The following CERS6 variants were observed in gnomAD, a reference collection of about 807,000 sequenced individuals.
CERS6 encodes LAG1 homolog, ceramide synthase 6.
Under a neutral mutation model 56.8 loss-of-function variants are expected in CERS6, and 26 were observed. That is an observed-to-expected ratio of 0.46 (90% CI 0.34 to 0.63). CERS6 has a LOEUF of 0.63. CERS6 is among the 30% of genes least tolerant of loss of function. The probability of loss-of-function intolerance (pLI) is 0.01; values close to 1 mark genes in which losing one functional copy is unlikely to be tolerated. For synonymous variants in CERS6, 164 were observed against 173.3 expected (o/e 0.95, Z 0.42); for missense variants, 415 against 467.5 (o/e 0.89, Z 1.04).
At chr2:168,476,735 G>A (rs903991753) in intron 1 of CERS6, among the ~76,000 whole-genome samples, 1 of 152,048 alleles carries the variant, frequency 6.6e-6, no homozygotes, top group African/African-American at 2.4e-5. Flanking sequence ...AAGAGTGTGT[G>A]CTAGCTCCAG....
intron 1 of CERS6, among the ~76,000 whole-genome samples, chr2:168,535,299 T>G (rs553457696): frequency 6.6e-6 from 1 of 152,212 alleles, no homozygotes; most frequent in Non-Finnish European, 1.5e-5. Context: ...TGAGAATCCG[T>G]GTGGCTCTGG....
chr2:168,616,732 A>G lies in CERS6; in HGVS notation c.408-14253A>G, dbSNP rs560945650. ...ACCTTACACTGGAGCTCCCAAATTTATAAACAGTTACTACTAGACCTAAGA... is the reference window on the plus strand; with the variant it reads ...ACCTTACACTGGAGCTCCCAAATTTGTAAACAGTTACTACTAGACCTAAGA... On this transcript the variant is annotated intron_variant, in intron 3 of 9. Coordinates refer to ENST00000305747, the MANE Select transcript of CERS6 (RefSeq NM_203463.3). Among the ~76,000 whole-genome samples the G allele has an allele frequency of 5.9e-5, 9 of 152,334 alleles. No homozygotes were observed. The South Asian group carries it at 1.0e-3, about 18-fold the overall frequency.
rs140382111 is a variant in CERS6, at chr2:168,749,543, T to C, written c.846-16049T>C. Among the ~76,000 whole-genome samples, 829 of 152,134 alleles carry C rather than the reference T, an allele frequency of 5.4e-3. 2 individuals carry two copies. The highest frequency in any genetic ancestry group is 0.017 in the Middle Eastern group (5 of 294). On this transcript the variant is annotated intron_variant, in intron 8 of 9. Coordinates refer to ENST00000305747, the MANE Select transcript of CERS6 (RefSeq NM_203463.3). ...GTCTGAGCAGATGGGGGAAGTAGAG[T>C]GATTCCAGCAACTGTCTCCTTTTCT...
chr2:168,693,782 A>G (rs1339685003), intron 5 of CERS6, among the ~76,000 whole-genome samples: 2 of 152,118 alleles, frequency 1.3e-5, no homozygotes, highest in East Asian at 1.9e-4. Context: ...ATACCGTCAC[A>G]TTGGGATTAG....
chr2:168,520,567 T>C (rs796132048), intron 1 of CERS6, among the ~76,000 whole-genome samples: 2 of 150,904 alleles, frequency 1.3e-5, no homozygotes, highest in African/African-American at 4.9e-5. Context: ...GTTTAAATTC[T>C]TACATTTAAC....
chr2:168,572,196 A>G (rs188206989), intron 3 of CERS6, among the ~76,000 whole-genome samples: 1,621 of 152,218 alleles, frequency 0.011, 12 homozygotes, highest in Non-Finnish European at 0.018. Context: ...GAAGTTGCAT[A>G]TTTTCAGCTT....
At chr2:168,694,835 C>T (rs1376993169) in intron 5 of CERS6, 124 bp from the exon 6 acceptor site, 8 of 701,888 alleles carry the variant, frequency 1.1e-5, no homozygotes, top group Non-Finnish European at 2.0e-5. Flanking sequence ...AAGAATAGGA[C>T]AGGAACTGCC....
chr2:168,494,685 G>A (rs1694432611), intron 1 of CERS6, among the ~76,000 whole-genome samples: 1 of 152,164 alleles, frequency 6.6e-6, no homozygotes, highest in Admixed American at 6.5e-5. Context: ...GAGTCATAGA[G>A]TTGATTGAGG....
intron 5 of CERS6, among the ~76,000 whole-genome samples, chr2:168,692,276 G>T (rs1360023933): frequency 6.6e-6 from 1 of 152,134 alleles, no homozygotes; most frequent in Non-Finnish European, 1.5e-5. Context: ...TTGGAACATT[G>T]TCACATAAGG....
chr2:168,735,721 T>A (rs12623362), intron 8 of CERS6, among the ~76,000 whole-genome samples: 63,964 of 148,024 alleles, frequency 0.43, 16,716 homozygotes, highest in Admixed American at 0.58. Flanking sequence ...ACTAAAAATT[T>A]AAAAAAAAAA....
chr2:168,738,872 GTTGT>G lies in CERS6; in HGVS notation c.845+20909_845+20912del, dbSNP rs147964418. Among the ~76,000 whole-genome samples, 1,093 of 151,784 alleles carry G rather than the reference GTTGT, an allele frequency of 7.2e-3. 15 individuals are homozygous for G. Among genetic ancestry groups the G allele is most frequent in the African/African-American group, 0.024 (987 of 41,384 alleles). On this transcript the variant is annotated intron_variant, in intron 8 of 9. Transcript: ENST00000305747. Reference sequence around the variant, plus strand: ...AGCAGTAGAAAATTTTACAGTAGAAGTTGTTTGTTTGTTTGTTTTGGGGGGTTTT... The same window carrying G: ...AGCAGTAGAAAATTTTACAGTAGAAGTTGTTTGTTTGTTTTGGGGGGTTTT...
At chr2:168,659,811 C>G (rs1685582499) in intron 4 of CERS6, among the ~76,000 whole-genome samples, 1 of 152,004 alleles carries the variant, frequency 6.6e-6, no homozygotes, top group Non-Finnish European at 1.5e-5. Context: ...AGCAAGCATT[C>G]AGTATAAAAT....
intron 1 of CERS6, among the ~76,000 whole-genome samples, chr2:168,486,684 T>G (rs1200922829): frequency 1.3e-5 from 2 of 152,182 alleles, no homozygotes. Context: ...ACTTTTTAAC[T>G]GCAAATTTGT....
At chr2:168,511,241 A>C (rs564907559) in intron 1 of CERS6, among the ~76,000 whole-genome samples, 5 of 152,304 alleles carry the variant, frequency 3.3e-5, no homozygotes, top group African/African-American at 1.2e-4. Flanking sequence ...ATTTTGTTAG[A>C]GCACATCTGT....
chr2:168,725,663 T>C (rs746725316), intron 8 of CERS6, among the ~76,000 whole-genome samples: 35 of 152,374 alleles, frequency 2.3e-4, no homozygotes, highest in Non-Finnish European at 4.3e-4. Flanking sequence ...CTTTTAAAGA[T>C]TTGGGTTTGT....
At chr2:168,590,173 G>A (rs1683639199) in intron 3 of CERS6, among the ~76,000 whole-genome samples, 1 of 152,170 alleles carries the variant, frequency 6.6e-6, no homozygotes, top group African/African-American at 2.4e-5. Flanking sequence ...GTGTGTTCTT[G>A]CTGTGAAATT....
At chr2:168,699,936 G>A (rs1425259272) in intron 6 of CERS6, among the ~76,000 whole-genome samples, 1 of 152,204 alleles carries the variant, frequency 6.6e-6, no homozygotes, top group African/African-American at 2.4e-5. Context: ...GCTTGCTTAT[G>A]TCTAAGCCCT....
chr2:168,474,760 C>T (rs1052757974), intron 1 of CERS6, among the ~76,000 whole-genome samples: 2 of 152,166 alleles, frequency 1.3e-5, no homozygotes, highest in African/African-American at 2.4e-5. Context: ...ACATATTTCA[C>T]CCTTCCCAAC....
At chr2:168,751,088 G>T (rs1684254485) in intron 8 of CERS6, among the ~76,000 whole-genome samples, 1 of 152,312 alleles carries the variant, frequency 6.6e-6, no homozygotes, top group East Asian at 1.9e-4. Context: ...GATGATAGCA[G>T]TGACTTTGAT....
Sources: gnomAD v4.1 joint callset for allele counts (sites outside exome capture counted in the v4.1 genomes callset) on GRCh38, gnomAD v4.1.1 for gene constraint, MANE v1.5 for transcripts, NCBI Gene and HGNC (gene_info 2026-07-23, HGNC 2026-07-21) for gene names.